Variants in DOCK5 observed in about 807,000 individuals in gnomAD.
DOCK5 encodes the protein dedicator of cytokinesis protein 5.
A neutral mutation model predicts 251.8 loss-of-function variants in DOCK5; 142 were observed. The ratio of observed to expected loss-of-function variants is 0.56; its 90% CI spans 0.49 to 0.65. The LOEUF (loss-of-function observed/expected upper bound fraction) is 0.65, where lower values mean the gene tolerates loss of function less well. Ranked by LOEUF, DOCK5 falls within the 30% of genes least tolerant of loss-of-function variation. The pLI, the probability that DOCK5 is intolerant of heterozygous loss-of-function variation, is 0.00. For synonymous variants in DOCK5, 842 were observed against 835.5 expected, an observed-to-expected ratio of 1.01 and a Z score of -0.13; for missense variants, 2,111 against 2,312.3, an observed-to-expected ratio of 0.91 and a Z score of 1.79.
At chr8:25,353,416 A>C (rs937559530) in intron 27 of DOCK5, among the ~76,000 whole-genome samples, 2 of 152,208 alleles carry the variant, frequency 1.3e-5, no homozygotes, top group Non-Finnish European at 2.9e-5. Flanking sequence ...TAGATCTTGT[A>C]TTAGTGGATT....
intron 45 of DOCK5, among the ~76,000 whole-genome samples, chr8:25,397,928 G>A (rs753222738): frequency 2.4e-4 from 37 of 152,144 alleles, no homozygotes; most frequent in Non-Finnish European, 4.0e-4. Context: ...ATTTCTAAAC[G>A]TAAGAAAAAG....
intron 42 of DOCK5, among the ~76,000 whole-genome samples, chr8:25,390,589 G>A (rs1801240254): frequency 6.6e-6 from 1 of 152,144 alleles, no homozygotes; most frequent in Admixed American, 6.5e-5. Context: ...GGATGTGGGG[G>A]TTTTGGTTTT....
intron 22 of DOCK5, among the ~76,000 whole-genome samples, chr8:25,337,959 A>C (rs1805856687): frequency 6.6e-6 from 1 of 152,122 alleles, no homozygotes; most frequent in Non-Finnish European, 1.5e-5. Context: ...AATAATACAG[A>C]TTTGAAATAT....
intron 1 of DOCK5, among the ~76,000 whole-genome samples, chr8:25,225,000 A>G (rs1802493660): frequency 6.6e-6 from 1 of 152,254 alleles, no homozygotes; most frequent in South Asian, 2.1e-4. Context: ...TCTCAGCACC[A>G]CTAAGCAGTA....
At chr8:25,287,115 G>A (rs1267610034) in intron 5 of DOCK5, among the ~76,000 whole-genome samples, 1 of 152,126 alleles carries the variant, frequency 6.6e-6, no homozygotes, top group African/African-American at 2.4e-5. Context: ...TGAAGGCAAA[G>A]CTATTTTTTC....
intron 14 of DOCK5, chr8:25,317,394 C>T: frequency 3.1e-6 from 1 of 325,766 alleles, no homozygotes; most frequent in Non-Finnish European, 5.7e-6. Flanking sequence ...GTGTAAGCTT[C>T]CAATGCAGAT....
chr8:25,304,077 C>G (rs904532930), intron 10 of DOCK5, among the ~76,000 whole-genome samples, 178 bp from the exon 11 acceptor site: 13 of 152,152 alleles, frequency 8.5e-5, no homozygotes, highest in African/African-American at 3.1e-4. Flanking sequence ...TCATGAGTCA[C>G]TTTTTTGCTG....
At chr8:25,368,277 G>A (rs1425150865) in intron 32 of DOCK5, 27 bp downstream of exon 32, 3 of 1,597,832 alleles carry the variant, frequency 1.9e-6, no homozygotes, top group Non-Finnish European at 2.6e-6. Context: ...GAACAGGCCT[G>A]ATCACAACCT....
chr8:25,351,028 A>C (rs1800457839), intron 26 of DOCK5, among the ~76,000 whole-genome samples: 1 of 152,030 alleles, frequency 6.6e-6, no homozygotes, highest in Admixed American at 6.6e-5. Context: ...ACATGTGCCT[A>C]ATTGACCTGA....
chr8:25,316,200 C>G (rs1310887392), intron 13 of DOCK5, among the ~76,000 whole-genome samples: 2 of 152,148 alleles, frequency 1.3e-5, no homozygotes, highest in African/African-American at 4.8e-5. Context: ...GTACTCTAGG[C>G]TGGGCATGGT....
At chr8:25,199,726 C>G (rs911214514) in intron 1 of DOCK5, among the ~76,000 whole-genome samples, 4 of 152,176 alleles carry the variant, frequency 2.6e-5, no homozygotes, top group Admixed American at 1.3e-4. Context: ...CAGCTTTACT[C>G]TGGAGGAGGA....
At chr8:25,381,452 C>T (rs1428313463) in intron 39 of DOCK5, among the ~76,000 whole-genome samples, 1 of 151,992 alleles carries the variant, frequency 6.6e-6, no homozygotes, top group Admixed American at 6.6e-5. Context: ...TAGTAAGACA[C>T]CATCTCTACA....
At chr8:25,381,460 A>G (rs1419016187) in intron 39 of DOCK5, among the ~76,000 whole-genome samples, 1 of 152,056 alleles carries the variant, frequency 6.6e-6, no homozygotes, top group East Asian at 1.9e-4. Flanking sequence ...CACCATCTCT[A>G]CAAAAAATAT....
intron 1 of DOCK5, among the ~76,000 whole-genome samples, chr8:25,201,094 A>C (rs1025918742): frequency 6.6e-6 from 1 of 152,126 alleles, no homozygotes; most frequent in Non-Finnish European, 1.5e-5. Context: ...TTTAGTAGAG[A>C]CAGGGTTTCA....
intron 26 of DOCK5, 88 bp from the exon 27 acceptor site, chr8:25,351,643 C>A: frequency 9.9e-7 from 1 of 1,011,538 alleles, no homozygotes; most frequent in Non-Finnish European, 1.5e-6. Context: ...AAAAAGAGAT[C>A]TAAAGACAAA....
chr8:25,252,468 A>T (rs1043913864), intron 2 of DOCK5, among the ~76,000 whole-genome samples: 4 of 152,252 alleles, frequency 2.6e-5, no homozygotes, highest in Non-Finnish European at 5.9e-5. Context: ...TGCCTTTCTC[A>T]TACATAAATG....
chr8:25,354,031 AAAAAAAAAAAAAAAAAACAAAC>A (rs773534992), intron 27 of DOCK5, among the ~76,000 whole-genome samples: 699 of 12,872 alleles, frequency 0.054, 11 homozygotes, highest in Non-Finnish European at 0.32. Context: ...TTGTCTTAAA[AAAAAAAAAAAAAAAAAACAAAC>A]AAAAAAAAAA....
At chr8:25,232,000 G>C (rs988878494) in intron 1 of DOCK5, among the ~76,000 whole-genome samples, 3 of 152,142 alleles carry the variant, frequency 2.0e-5, no homozygotes, top group Non-Finnish European at 4.4e-5. Context: ...TGTGTGTTTA[G>C]TTTTCAAATA....
intron 6 of DOCK5, among the ~76,000 whole-genome samples, chr8:25,292,890 C>G (rs1804530644): frequency 6.6e-6 from 1 of 152,158 alleles, no homozygotes; most frequent in South Asian, 2.1e-4. Context: ...TCCCCCTAAC[C>G]GGGACCATTG....
Sources: gnomAD v4.1 joint callset for allele counts (sites outside exome capture counted in the v4.1 genomes callset) on GRCh38, gnomAD v4.1.1 for gene constraint, MANE v1.5 for transcripts, NCBI Gene and HGNC (gene_info 2026-07-23, HGNC 2026-07-21) for gene names.